The following CHST10 variants were observed in gnomAD, a reference collection of about 807,000 sequenced individuals.
The protein encoded by CHST10 is carbohydrate sulfotransferase 10, also known as HNK-1 sulfotransferase.
Under a neutral mutation model 34.7 loss-of-function variants are expected in CHST10, and 24 were observed. The observed-to-expected ratio is 0.69, with a 90% confidence interval of 0.50 to 0.97. The LOEUF (loss-of-function observed/expected upper bound fraction) is 0.97. CHST10 is among the 50% of genes least tolerant of loss of function. The pLI is 0.00. For missense variants in CHST10, 402 were observed against 452.1 expected (o/e 0.89, Z 1.00); for synonymous variants, 161 against 169.3 (o/e 0.95, Z 0.38).
rs1331473405 is a variant in CHST10 at position 100,395,490 on chromosome 2, T to C, written c.533+19A>G. The C allele has an allele frequency of 6.3e-7, 1 of 1,599,384 alleles. No individual in the cohort carries two copies. The highest frequency in any genetic ancestry group is 1.1e-5 in the South Asian group (1 of 90,656). On this transcript the variant is annotated intron_variant, in intron 6 of 6. Transcript: ENST00000264249. ...GTTTACAAAAACTCCCCCCTCCCCT[T>C]TGAGGAAGCTGTTCTCACCGCTTCT...
At chr2:100,395,452 A>G in intron 6 of CHST10, 57 bp downstream of exon 6, 5 of 1,501,636 alleles carry the variant, frequency 3.3e-6, no homozygotes, top group Non-Finnish European at 4.6e-6. Context: ...GTTTTCCCCA[A>G]ATTTCTTCTC....
At chr2:100,415,972 T>C (rs987383377) in intron 1 of CHST10, 2 of 152,246 alleles carry the variant, frequency 1.3e-5, no homozygotes, top group South Asian at 4.1e-4. Context: ...TAAGCATCTG[T>C]AATACAATGG....
rs1396257842 is a variant in CHST10, at chr2:100,398,116, G to A, written c.219C>T (p.Ser73=). Residue 73 remains serine, a synonymous_variant, in exon 5 of 7, where the codon AGC becomes AGT. Coordinates refer to ENST00000264249, the MANE Select transcript of CHST10 (RefSeq NM_004854.5). Reference sequence around the variant, plus strand: ...TGTAGACCAGGGGCTGAACGAGCTGGCTGTCTGGAAGCTCCTTCCCAGTTG... The same window carrying A: ...TGTAGACCAGGGGCTGAACGAGCTGACTGTCTGGAAGCTCCTTCCCAGTTG... ...LKPTGKELPD[S]QLVQPLVYME... is the part of the protein sequence containing the mutation. 1.2e-6 allele frequency: 2 copies of A among 1,613,028 alleles called. No individual in the cohort carries two copies. Among genetic ancestry groups the A allele is most frequent in the Non-Finnish European group, 8.5e-7 (1 of 1,179,488 alleles).
intron 4 of CHST10, among the ~76,000 whole-genome samples, chr2:100,402,122 T>G (rs1240575587): frequency 2.6e-5 from 4 of 152,172 alleles, no homozygotes; most frequent in African/African-American, 9.6e-5. Flanking sequence ...CTGTGGAGGA[T>G]CCACCTTTTT....
chr2:100,417,029 T>G (rs570547748), intron 1 of CHST10: 1 of 1,304,264 alleles, frequency 7.7e-7, no homozygotes. Context: ...TTCCTCTGCA[T>G]GCTCCTTGGA....
intron 2 of CHST10, among the ~76,000 whole-genome samples, chr2:100,412,706 T>C (rs1675895686): frequency 6.6e-6 from 1 of 152,180 alleles, no homozygotes; most frequent in Admixed American, 6.5e-5. Context: ...CCTCCTTCCA[T>C]CTTAAGAAGG....
chr2:100,402,431 T>C (rs932455900), intron 4 of CHST10, 133 bp downstream of exon 4: 4 of 693,726 alleles, frequency 5.8e-6, no homozygotes, highest in South Asian at 1.7e-5. Context: ...TGAACTAACA[T>C]GGAGAAGTAA....
chr2:100,411,829 A>T (rs1011367349), intron 2 of CHST10, among the ~76,000 whole-genome samples: 1 of 152,174 alleles, frequency 6.6e-6, no homozygotes, highest in African/African-American at 2.4e-5. Flanking sequence ...TGTGGGGAGA[A>T]AATACAATGG....
intron 4 of CHST10, among the ~76,000 whole-genome samples, chr2:100,399,325 C>A (rs1675228499): frequency 6.6e-6 from 1 of 152,116 alleles, no homozygotes; most frequent in Admixed American, 6.5e-5. Flanking sequence ...CCAGGATGGT[C>A]TTGATCTCCT....
At position 100,415,114 on chromosome 2, in the gene CHST10, G is replaced by A; in HGVS notation, c.-103-3C>T. The A allele has an allele frequency of 7.8e-7, 1 of 1,284,620 alleles. No individual in the cohort carries two copies. Among genetic ancestry groups the A allele is most frequent in the East Asian group, 5.6e-5 (1 of 17,826 alleles). 79.6% of individuals were successfully genotyped at this position (1,284,620 alleles called of 1,614,324 possible). A position where few individuals can be genotyped will look rare whatever the true frequency, so the allele number is the denominator to read the frequency against. Reference sequence around the variant, plus strand: ...GAGGTTCTTGGTTCCTCTTGTCACTGGATAGGAAAATTAAAAAAAAAAAAG... The same window carrying A: ...GAGGTTCTTGGTTCCTCTTGTCACTAGATAGGAAAATTAAAAAAAAAAAAG... On this transcript the variant is annotated splice_polypyrimidine_tract_variant and splice_region_variant and intron_variant, in intron 1 of 6. Transcript: ENST00000264249.
chr2:100,413,708 A>G (rs1675942447), intron 2 of CHST10, among the ~76,000 whole-genome samples: 1 of 152,166 alleles, frequency 6.6e-6, no homozygotes, highest in Non-Finnish European at 1.5e-5. Flanking sequence ...TGCCAATACC[A>G]TTCCCGCCAG....
At chr2:100,401,855 T>G (rs908284629) in intron 4 of CHST10, among the ~76,000 whole-genome samples, 8 of 152,186 alleles carry the variant, frequency 5.3e-5, no homozygotes, top group African/African-American at 1.7e-4. Flanking sequence ...ACGGCTTGAT[T>G]CTGGGCTAAA....
chr2:100,401,925 C>T (rs934645599), intron 4 of CHST10, among the ~76,000 whole-genome samples: 4 of 152,152 alleles, frequency 2.6e-5, no homozygotes, highest in Non-Finnish European at 4.4e-5. Context: ...CAACTTCAAC[C>T]CTCTAGATCC....
intron 2 of CHST10, among the ~76,000 whole-genome samples, chr2:100,410,726 A>G (rs1264576666): frequency 6.6e-6 from 1 of 152,240 alleles, no homozygotes; most frequent in African/African-American, 2.4e-5. Flanking sequence ...GTATTATTTG[A>G]AAACAAAATG....
At chr2:100,416,887 C>T in intron 1 of CHST10, 1 of 1,085,626 alleles carries the variant, frequency 9.2e-7, no homozygotes, top group Non-Finnish European at 1.3e-6. Flanking sequence ...CCTCAACCTC[C>T]AACTTCGGAC....
At chr2:100,403,201 G>A (rs4850932) in intron 3 of CHST10, among the ~76,000 whole-genome samples, 123,074 of 152,144 alleles carry the variant, frequency 0.81, 51,306 homozygotes, top group East Asian at 0.93. Context: ...GGTCAAGGCT[G>A]CAGAGACCTT....
intron 1 of CHST10, chr2:100,416,722 C>T (rs1000112120): frequency 5.9e-6 from 2 of 341,804 alleles, no homozygotes; most frequent in Admixed American, 3.8e-5. Flanking sequence ...CAAAAACCCA[C>T]CGTTATGACA....
In CHST10 at chr2:100,406,047, C is replaced by T. The variant is rs115511029; in HGVS notation, c.100+529G>A. The stretch of plus-strand genomic sequence containing the variant: ...GAGACCCAATTTGGCGCTCTTTATC[C>T]GTCCTCATCTGAATGCCTACGTTCA... On this transcript the variant is annotated intron_variant, in intron 3 of 6. Coordinates refer to ENST00000264249, the MANE Select transcript of CHST10 (RefSeq NM_004854.5). 3.7e-3 allele frequency among the ~76,000 whole-genome samples: 560 copies of T among 152,318 alleles called. 2 individuals carry two copies. Among genetic ancestry groups the T allele is most frequent in the South Asian group, 6.6e-3 (32 of 4,822 alleles).
intron 4 of CHST10, among the ~76,000 whole-genome samples, chr2:100,399,838 T>C (rs1475452251): frequency 6.6e-6 from 1 of 152,214 alleles, no homozygotes; most frequent in Non-Finnish European, 1.5e-5. Context: ...CTTTTCGAGA[T>C]GAAGACACTG....
Sources: allele counts gnomAD v4.1 joint callset (sites outside exome capture counted in the v4.1 genomes callset), GRCh38; gene constraint gnomAD v4.1.1; transcripts MANE v1.5; gene names NCBI Gene and HGNC (gene_info 2026-07-23, HGNC 2026-07-21).